OSBPL10: variants seen among roughly 807,000 people sequenced by gnomAD.
OSBPL10 encodes oxysterol-binding protein-related protein 10.
OSBPL10 carries 49 observed loss-of-function variants against 81.7 expected under a neutral mutation model. That is an observed-to-expected ratio of 0.60 (90% CI 0.48 to 0.76). OSBPL10 has a LOEUF of 0.76. Among genes scored for constraint, OSBPL10 ranks in the 30% least tolerant of loss-of-function variants. OSBPL10 has a pLI of 0.00. For synonymous variants in OSBPL10, 419 were observed against 383.6 expected, an observed-to-expected ratio of 1.09 and a Z score of -1.08; for missense variants, 923 against 987.8, an observed-to-expected ratio of 0.93 and a Z score of 0.88.
intron 3 of OSBPL10, among the ~76,000 whole-genome samples, chr3:31,831,201 G>A (rs779489682): frequency 2.0e-5 from 3 of 152,146 alleles, no homozygotes; most frequent in Non-Finnish European, 2.9e-5. Context: ...GAGGTCAGGA[G>A]TTCAAGACCA....
At chr3:31,690,210 T>C (rs1050361396) in intron 7 of OSBPL10, among the ~76,000 whole-genome samples, 1 of 152,166 alleles carries the variant, frequency 6.6e-6, no homozygotes, top group Non-Finnish European at 1.5e-5. Flanking sequence ...GCTGTTCTCA[T>C]GATAGTGAGT....
At chr3:31,813,175 A>G (rs1699751837) in intron 4 of OSBPL10, among the ~76,000 whole-genome samples, 1 of 152,258 alleles carries the variant, frequency 6.6e-6, no homozygotes, top group Non-Finnish European at 1.5e-5. Context: ...GAGGAAAGAA[A>G]AACCTTCAGA....
chr3:31,924,269 A>C (rs1215818529), intron 1 of OSBPL10, among the ~76,000 whole-genome samples: 1 of 152,002 alleles, frequency 6.6e-6, no homozygotes, highest in African/African-American at 2.4e-5. Flanking sequence ...TTTGTCTCTT[A>C]CGGCATTGAC....
At chr3:31,805,800 T>C (rs147128653) in intron 4 of OSBPL10, among the ~76,000 whole-genome samples, 1 of 152,264 alleles carries the variant, frequency 6.6e-6, no homozygotes, top group African/African-American at 2.4e-5. Flanking sequence ...CCTCACAAGA[T>C]AACCCAACAA....
intron 1 of OSBPL10, among the ~76,000 whole-genome samples, chr3:31,930,166 A>T (rs998696578): frequency 4.0e-4 from 61 of 151,092 alleles, no homozygotes; most frequent in African/African-American, 1.4e-3. Context: ...AAAAAAAAAA[A>T]TTTTTTTTTA....
chr3:32,055,695 T>C (rs930596178), intron 1 of OSBPL10, among the ~76,000 whole-genome samples: 7 of 152,212 alleles, frequency 4.6e-5, no homozygotes, highest in African/African-American at 1.7e-4. Flanking sequence ...TTGACTGGAA[T>C]CGCCTGCTTT....
intron 4 of OSBPL10, among the ~76,000 whole-genome samples, chr3:31,804,287 C>A (rs1465743770): frequency 6.6e-6 from 1 of 152,144 alleles, no homozygotes; most frequent in African/African-American, 2.4e-5. Context: ...ATCAACATCA[C>A]AGATTTTTAA....
intron 4 of OSBPL10, among the ~76,000 whole-genome samples, chr3:31,770,199 A>G (rs1698337325): frequency 6.6e-6 from 1 of 152,188 alleles, no homozygotes; most frequent in Admixed American, 6.5e-5. Flanking sequence ...CTGAGAGGCT[A>G]ATGTTCAGGT....
chr3:32,046,546 T>C (rs1254781483), exon 2 of OSBPL10: 2 of 152,212 alleles, frequency 1.3e-5, no homozygotes, highest in East Asian at 1.9e-4. Flanking sequence ...CTATTTCCTA[T>C]TAAATAAATG....
At chr3:31,695,776 T>TC (rs1408512825) in intron 7 of OSBPL10, among the ~76,000 whole-genome samples, 2 of 152,152 alleles carry the variant, frequency 1.3e-5, no homozygotes, top group East Asian at 3.9e-4. Context: ...TGTCTTCTCC[T>TC]CCCTTCTCAA....
At chr3:31,832,367 C>T (rs1160498958) in intron 3 of OSBPL10, among the ~76,000 whole-genome samples, 1 of 151,962 alleles carries the variant, frequency 6.6e-6, no homozygotes, top group Non-Finnish European at 1.5e-5. Flanking sequence ...GTATGTATTC[C>T]CTATTGAAAA....
intron 3 of OSBPL10, among the ~76,000 whole-genome samples, chr3:31,872,622 C>CTTTTT (rs71097452): frequency 3.1e-5 from 4 of 127,872 alleles, no homozygotes; most frequent in African/African-American, 1.2e-4. Flanking sequence ...AATTCAAAAG[C>CTTTTT]TTTTTTTTTT....
intron 2 of OSBPL10, among the ~76,000 whole-genome samples, chr3:32,015,096 T>C (rs891084156): frequency 1.3e-5 from 2 of 152,200 alleles, no homozygotes; most frequent in Non-Finnish European, 2.9e-5. Flanking sequence ...AAAAAACCAC[T>C]TTAAAGTTCA....
chr3:31,744,157 A>G (rs7612025), intron 5 of OSBPL10, among the ~76,000 whole-genome samples: 58,703 of 152,096 alleles, frequency 0.39, 13,439 homozygotes, highest in East Asian at 0.77. Context: ...AAAGGGTAAG[A>G]TGACAAGGAA....
chr3:31,932,839 TTAATC>T (rs369168887), intron 1 of OSBPL10, among the ~76,000 whole-genome samples: 710 of 152,240 alleles, frequency 4.7e-3, no homozygotes, highest in South Asian at 0.014. Flanking sequence ...TATTCTCTCA[TTAATC>T]AAAGCAAAAC....
intron 2 of OSBPL10, among the ~76,000 whole-genome samples, chr3:32,015,562 A>G (rs1311256711): frequency 2.6e-5 from 4 of 152,246 alleles, no homozygotes; most frequent in Non-Finnish European, 5.9e-5. Context: ...TGTCTAAAAC[A>G]CCAAAAGCAA....
chr3:31,886,982 C>G (rs1432755378), intron 1 of OSBPL10, among the ~76,000 whole-genome samples: 1 of 151,926 alleles, frequency 6.6e-6, no homozygotes, highest in Non-Finnish European at 1.5e-5. Context: ...ATAGTTACTA[C>G]CTGACTCTTC....
intron 4 of OSBPL10, among the ~76,000 whole-genome samples, chr3:31,767,137 A>T (rs1450547223): frequency 2.0e-5 from 3 of 152,208 alleles, no homozygotes; most frequent in East Asian, 3.8e-4. Context: ...ACTTTGTGGA[A>T]ATTAAAATTA....
intron 1 of OSBPL10, among the ~76,000 whole-genome samples, chr3:31,934,783 T>A (rs1445658514): frequency 6.6e-6 from 1 of 152,200 alleles, no homozygotes; most frequent in Non-Finnish European, 1.5e-5. Context: ...AAAAATTGGA[T>A]ATCCACGGTT....
Sources: allele counts gnomAD v4.1 joint callset (sites outside exome capture counted in the v4.1 genomes callset), GRCh38; gene constraint gnomAD v4.1.1; transcripts MANE v1.5; gene names NCBI Gene and HGNC (gene_info 2026-07-23, HGNC 2026-07-21).